Variants in NCKAP5 observed in about 807,000 individuals in gnomAD.
NCKAP5 encodes the protein nck-associated protein 5.
Under a neutral mutation model 167.0 loss-of-function variants are expected in NCKAP5, and 92 were observed. The observed-to-expected ratio is 0.55, with a 90% CI of 0.47 to 0.66. NCKAP5 has a LOEUF of 0.66. NCKAP5 is among the 30% of genes least tolerant of loss of function. The pLI is 0.00. For synonymous variants in NCKAP5, 891 were observed against 877.4 expected (o/e 1.02, Z -0.27); for missense variants, 2,378 against 2,315.0 (o/e 1.03, Z -0.56).
intron 3 of NCKAP5, among the ~76,000 whole-genome samples, chr2:133,339,099 G>T (rs936124808): frequency 6.6e-6 from 1 of 151,896 alleles, no homozygotes; most frequent in Admixed American, 6.6e-5. Flanking sequence ...TTATGTGCAG[G>T]GAAAAATCAA....
At chr2:133,102,234 C>T (rs887913709) in intron 6 of NCKAP5, among the ~76,000 whole-genome samples, 3 of 152,146 alleles carry the variant, frequency 2.0e-5, no homozygotes, top group African/African-American at 4.8e-5. Flanking sequence ...GCAACCTCTG[C>T]CTCCCGGGTT....
rs188958361 is a variant in NCKAP5, at chr2:133,178,641, C to T, written c.207+35075G>A. Among the ~76,000 whole-genome samples the T allele has an allele frequency of 1.2e-3, 180 of 149,202 alleles. 1 individual carries two copies. The East Asian group carries it at 0.019, about 15-fold the overall frequency. ...AAGATTGAGACCATCCTGGCTAACA[C>T]GGTGAAAACCTGTCTCTACTAAAAA... On this transcript the variant is annotated intron_variant, in intron 5 of 19. Transcript: ENST00000409261.
intron 4 of NCKAP5, among the ~76,000 whole-genome samples, chr2:133,283,101 A>T (rs954182811): frequency 2.0e-5 from 3 of 152,228 alleles, no homozygotes; most frequent in Non-Finnish European, 2.9e-5. Context: ...TTATGGGAGT[A>T]GAGAAGGAGC....
intron 3 of NCKAP5, among the ~76,000 whole-genome samples, chr2:133,419,755 C>T (rs919537655): frequency 1.3e-5 from 2 of 152,176 alleles, no homozygotes; most frequent in African/African-American, 4.8e-5. Context: ...CATGCTGCTT[C>T]TATTTTCCTA....
rs141574273 is a variant in NCKAP5, at chr2:133,200,702, C to T, written c.207+13014G>A. On this transcript the variant is annotated intron_variant, in intron 5 of 19. Coordinates refer to ENST00000409261, the MANE Select transcript of NCKAP5 (RefSeq NM_207363.3). ...CCTACAGAATAGGAGAACATATTTGCCAATCATTTCTCGTAACAGACTGAT... is the reference window on the plus strand; with the variant it reads ...CCTACAGAATAGGAGAACATATTTGTCAATCATTTCTCGTAACAGACTGAT... 4.5e-3 allele frequency among the ~76,000 whole-genome samples: 678 copies of T among 152,222 alleles called. 3 individuals are homozygous for T. Among genetic ancestry groups the T allele is most frequent in the African/African-American group, 0.015 (613 of 41,524 alleles).
intron 5 of NCKAP5, among the ~76,000 whole-genome samples, chr2:133,144,919 C>T (rs2149855072): frequency 1.3e-5 from 2 of 152,134 alleles, no homozygotes; most frequent in South Asian, 4.2e-4. Context: ...AAAGGGTCTA[C>T]ATTTTACGTC....
At chr2:133,025,453 G>A (rs1300788878) in intron 6 of NCKAP5, among the ~76,000 whole-genome samples, 1 of 152,138 alleles carries the variant, frequency 6.6e-6, no homozygotes, top group Non-Finnish European at 1.5e-5. Context: ...CAGGTGTAGG[G>A]GCTGGTGAAT....
the NCKAP5 span, among the ~76,000 whole-genome samples, chr2:133,643,622 C>T: frequency 6.6e-6 from 1 of 152,170 alleles, no homozygotes. Flanking sequence ...AATCTCCCTA[C>T]CTCCAATCAT....
intron 19 of NCKAP5, among the ~76,000 whole-genome samples, chr2:132,690,246 T>C (rs1686545942): frequency 6.6e-6 from 1 of 152,166 alleles, no homozygotes; most frequent in Non-Finnish European, 1.5e-5. Flanking sequence ...GATAAATTGG[T>C]GTGTCTACAT....
intron 6 of NCKAP5, among the ~76,000 whole-genome samples, chr2:133,041,305 A>G (rs949818361): frequency 6.6e-6 from 1 of 152,138 alleles, no homozygotes; most frequent in Non-Finnish European, 1.5e-5. Context: ...AAAAATAAGC[A>G]TGTCTTCTCT....
chr2:132,896,223 A>G (rs1345810223), intron 8 of NCKAP5, among the ~76,000 whole-genome samples: 1 of 152,238 alleles, frequency 6.6e-6, no homozygotes, highest in African/African-American at 2.4e-5. Context: ...GTTTTGTCAT[A>G]ATGAAATTAC....
intron 12 of NCKAP5, among the ~76,000 whole-genome samples, chr2:132,792,195 A>T (rs1190252774): frequency 6.6e-6 from 1 of 152,244 alleles, no homozygotes; most frequent in African/African-American, 2.4e-5. Flanking sequence ...GCTGCATAGC[A>T]ATCTCTTTAA....
chr2:133,548,158 C>A (rs902595690), intron 2 of NCKAP5, among the ~76,000 whole-genome samples: 3 of 150,728 alleles, frequency 2.0e-5, no homozygotes, highest in Non-Finnish European at 4.4e-5. Flanking sequence ...TGAAATGAAG[C>A]GAGAAGGGAA....
intron 6 of NCKAP5, among the ~76,000 whole-genome samples, chr2:133,010,086 A>G (rs989623220): frequency 1.3e-5 from 2 of 151,766 alleles, no homozygotes; most frequent in African/African-American, 4.8e-5. Flanking sequence ...AAAAAAATAA[A>G]TAAATAAAAA....
chr2:132,674,444 A>G (rs1331540146), intron 19 of NCKAP5, among the ~76,000 whole-genome samples: 1 of 152,214 alleles, frequency 6.6e-6, no homozygotes, highest in Non-Finnish European at 1.5e-5. Flanking sequence ...TCTTTCCATT[A>G]AACCATGTTC....
chr2:133,542,503 C>T (rs936568065), intron 2 of NCKAP5, among the ~76,000 whole-genome samples: 5 of 152,204 alleles, frequency 3.3e-5, no homozygotes, highest in African/African-American at 7.2e-5. Context: ...TCATCCCACG[C>T]TATCCAGTTT....
chr2:133,454,253 C>T (rs909781583), intron 3 of NCKAP5, among the ~76,000 whole-genome samples: 1 of 151,878 alleles, frequency 6.6e-6, no homozygotes, highest in African/African-American at 2.4e-5. Flanking sequence ...AATGTGATTA[C>T]CATCTATAAA....
rs114625615 is a variant in NCKAP5 at position 133,097,597 on chromosome 2, G to T, written c.341+32381C>A. Among the ~76,000 whole-genome samples, 421 of 152,288 alleles carry T rather than the reference G, an allele frequency of 2.8e-3. 2 individuals carry two copies. The highest frequency in any genetic ancestry group is 9.9e-3 in the African/African-American group (410 of 41,550). On this transcript the variant is annotated intron_variant, in intron 6 of 19. Transcript: ENST00000409261. Reference sequence around the variant, plus strand: ...GATTCAATAAGAAAGAAAGGAAAATGCAAGTTCCTTGAGTATTTGGTGGAT... The same window carrying T: ...GATTCAATAAGAAAGAAAGGAAAATTCAAGTTCCTTGAGTATTTGGTGGAT...
At position 132,868,959 on chromosome 2, in the gene NCKAP5, C is replaced by A; in HGVS notation, c.664G>T (p.Val222Phe). 1 of 1,547,238 alleles carries A rather than the reference C, an allele frequency of 6.5e-7. No individual in the cohort carries two copies. The highest frequency in any genetic ancestry group is 8.7e-7 in the Non-Finnish European group (1 of 1,146,548). The change falls in exon 10 of 20, where the codon GTT becomes TTT. Residue 222 changes from valine (V) to phenylalanine (F), a missense_variant. This residue lies in a region of NCKAP5 where 1,049 missense variants were observed against 1,023.4 expected (regional missense o/e 1.02). Transcript: ENST00000409261. Reference sequence around the variant, plus strand: ...ACCTTTTGAGTAAGCAGAGCTTGAACAACTTGGTTGGCTACCTTTAAAAAA... The same window carrying A: ...ACCTTTTGAGTAAGCAGAGCTTGAAAAACTTGGTTGGCTACCTTTAAAAAA... ...RCLDEVANQV[V>F]QALLTQKDLR...
Sources: allele counts gnomAD v4.1 joint callset (sites outside exome capture counted in the v4.1 genomes callset), GRCh38; gene constraint gnomAD v4.1.1; regional missense constraint gnomAD v4.1.1; transcripts MANE v1.5; gene names NCBI Gene and HGNC (gene_info 2026-07-23, HGNC 2026-07-21).